Variants in ARHGEF3 observed in about 807,000 individuals in gnomAD.
ARHGEF3 encodes the protein 59.8 kDA protein.
A neutral mutation model predicts 63.2 loss-of-function variants in ARHGEF3; 28 were observed. The observed-to-expected ratio is 0.44, with a 90% CI of 0.33 to 0.61. The LOEUF (loss-of-function observed/expected upper bound fraction) is 0.61. Among genes scored for constraint, ARHGEF3 ranks in the 20% least tolerant of loss-of-function variants. ARHGEF3 has a pLI of 0.03. For missense variants in ARHGEF3, 533 were observed against 659.3 expected (o/e 0.81, Z 2.10); for synonymous variants, 266 against 254.2 (o/e 1.05, Z -0.44).
chr3:56,895,475 T>TA (rs1388701290), intron 3 of ARHGEF3, among the ~76,000 whole-genome samples: 5 of 151,894 alleles, frequency 3.3e-5, no homozygotes, highest in African/African-American at 9.7e-5. Context: ...TTTATTTATT[T>TA]TTTTTTGAGA....
intron 4 of ARHGEF3, among the ~76,000 whole-genome samples, chr3:56,875,056 G>A (rs992026766): frequency 5.3e-5 from 8 of 152,144 alleles, no homozygotes; most frequent in Non-Finnish European, 8.8e-5. Flanking sequence ...ACAGGCCTGC[G>A]ACTCAGATCC....
At chr3:56,758,732 A>C (rs1251046858) in intron 2 of ARHGEF3, among the ~76,000 whole-genome samples, 2 of 152,188 alleles carry the variant, frequency 1.3e-5, no homozygotes, top group African/African-American at 2.4e-5. Flanking sequence ...GTAAACAGTA[A>C]CCAGGAACTA....
chr3:56,973,628 C>T (rs556457111), intron 2 of ARHGEF3, among the ~76,000 whole-genome samples: 2 of 152,156 alleles, frequency 1.3e-5, no homozygotes, highest in African/African-American at 4.8e-5. Flanking sequence ...AGAGGGACAA[C>T]GCGGAGGCCA....
At chr3:56,903,742 G>C (rs2041597993) in intron 3 of ARHGEF3, among the ~76,000 whole-genome samples, 1 of 151,962 alleles carries the variant, frequency 6.6e-6, no homozygotes, top group Admixed American at 6.5e-5. Flanking sequence ...CCTGCTTCTA[G>C]GCCAGTGGTT....
chr3:56,914,777 T>G (rs1433094963), intron 3 of ARHGEF3, among the ~76,000 whole-genome samples: 2 of 152,174 alleles, frequency 1.3e-5, no homozygotes, highest in African/African-American at 4.8e-5. Context: ...TCTACTTATA[T>G]GAGATACTTA....
At chr3:56,928,041 C>A (rs1249424443) in intron 3 of ARHGEF3, among the ~76,000 whole-genome samples, 1 of 152,166 alleles carries the variant, frequency 6.6e-6, no homozygotes, top group Non-Finnish European at 1.5e-5. Context: ...TCTAAGCCAG[C>A]CCTCAATTCT....
chr3:56,959,844 G>A (rs1246640792), intron 2 of ARHGEF3, among the ~76,000 whole-genome samples: 1 of 152,168 alleles, frequency 6.6e-6, no homozygotes, highest in Non-Finnish European at 1.5e-5. Flanking sequence ...CAGGCATGCT[G>A]GTGGGCACCT....
intron 2 of ARHGEF3, among the ~76,000 whole-genome samples, chr3:56,988,622 C>T (rs1701629879): frequency 6.6e-6 from 1 of 152,178 alleles, no homozygotes. Context: ...CAGTGCCCTG[C>T]ATGTCCCAGT....
Position 57,039,947 on chromosome 3 carries a change from G to C in ARHGEF3, c.-27-4771C>G, listed in dbSNP as rs952436984. Among the ~76,000 whole-genome samples, 3 of 152,112 alleles carry C rather than the reference G, an allele frequency of 2.0e-5. No homozygotes were observed. In the South Asian group the frequency reaches 6.2e-4, roughly 31 times the overall value. On this transcript the variant is annotated intron_variant, in intron 1 of 12. Transcript: ENST00000338458. ...CTGGTGAATGGCACCCGTGACCAGG[G>C]ATTAGGTCAGAAACATCTTTTGGGA... is the stretch of plus-strand genomic sequence containing the variant.
intron 4 of ARHGEF3, among the ~76,000 whole-genome samples, chr3:56,848,604 G>T (rs537188802): frequency 1.3e-5 from 2 of 152,296 alleles, no homozygotes; most frequent in African/African-American, 4.8e-5. Flanking sequence ...GGGCTGCAGA[G>T]AACACAGTCT....
intron 1 of ARHGEF3, among the ~76,000 whole-genome samples, chr3:57,044,993 G>A (rs987102609): frequency 5.9e-5 from 9 of 152,204 alleles, no homozygotes; most frequent in Non-Finnish European, 1.0e-4. Flanking sequence ...TTGGCCGGAC[G>A]TGGTGGCTCA....
intron 4 of ARHGEF3, among the ~76,000 whole-genome samples, chr3:56,817,443 A>T (rs1445341783): frequency 1.3e-5 from 2 of 152,198 alleles, no homozygotes; most frequent in African/African-American, 4.8e-5. Context: ...GTGGCACATC[A>T]TCCAAGCAAA....
intron 3 of ARHGEF3, among the ~76,000 whole-genome samples, chr3:56,943,748 C>T (rs1411802035): frequency 6.6e-6 from 1 of 152,094 alleles, no homozygotes; most frequent in Non-Finnish European, 1.5e-5. Flanking sequence ...AACCCCATCT[C>T]TACTAAAAAT....
intron 2 of ARHGEF3, among the ~76,000 whole-genome samples, chr3:57,033,514 T>C (rs952408580): frequency 6.6e-6 from 1 of 151,218 alleles, no homozygotes; most frequent in African/African-American, 2.4e-5. Context: ...CTAACAAGCA[T>C]AGTATAACAG....
chr3:56,978,072 A>G (rs1280583279), intron 2 of ARHGEF3, among the ~76,000 whole-genome samples: 1 of 152,216 alleles, frequency 6.6e-6, no homozygotes, highest in Non-Finnish European at 1.5e-5. Flanking sequence ...ACATGCCAGC[A>G]TTCAGTGGGG....
chr3:57,035,794 C>T (rs1319608288), intron 1 of ARHGEF3, among the ~76,000 whole-genome samples: 1 of 152,242 alleles, frequency 6.6e-6, no homozygotes, highest in Non-Finnish European at 1.5e-5. Flanking sequence ...GAACCCAGCT[C>T]TGCCCATGCA....
In ARHGEF3 at chr3:56,940,931, A is replaced by G. The variant is rs759575010; in HGVS notation, c.129+17892T>C. 1.6e-4 allele frequency: 24 copies of G among 152,266 alleles called. 1 individual carries two copies. Among genetic ancestry groups the G allele is most frequent in the African/African-American group, 4.8e-4 (20 of 41,570 alleles). 9.4% of individuals were successfully genotyped at this position (152,266 alleles called of 1,614,324 possible). A position where few individuals can be genotyped will look rare whatever the true frequency, so the allele number is the denominator to read the frequency against. On this transcript the variant is annotated intron_variant, in intron 3 of 12. Transcript: ENST00000338458. ...CTCTGAAATGTGTCTGAAGCCCCCA[A>G]TCTGGCATTCTGACCCCAAAGCATA...
intron 2 of ARHGEF3, among the ~76,000 whole-genome samples, chr3:57,006,615 C>G (rs571591138): frequency 1.3e-5 from 2 of 152,294 alleles, no homozygotes; most frequent in African/African-American, 2.4e-5. Flanking sequence ...CCACCCACCC[C>G]CAACAGGCAG....
intron 4 of ARHGEF3, among the ~76,000 whole-genome samples, chr3:56,819,259 G>C (rs1327975115): frequency 6.6e-6 from 1 of 152,124 alleles, no homozygotes; most frequent in Admixed American, 6.5e-5. Flanking sequence ...ATGTATCAAG[G>C]GCTGTCAACA....
Sources: gnomAD v4.1 joint callset for allele counts (sites outside exome capture counted in the v4.1 genomes callset) on GRCh38, gnomAD v4.1.1 for gene constraint, MANE v1.5 for transcripts, NCBI Gene and HGNC (gene_info 2026-07-23, HGNC 2026-07-21) for gene names.